ARHGAP10: variants seen among roughly 807,000 people sequenced by gnomAD.
ARHGAP10 encodes the protein rho GTPase-activating protein 10.
In ARHGAP10, 87 loss-of-function variants were observed where a neutral mutation model predicts 108.6. The ratio of observed to expected loss-of-function variants is 0.80; its 90% confidence interval spans 0.67 to 0.96. The LOEUF is 0.96. ARHGAP10 is among the 40% of genes least tolerant of loss of function. The pLI is 0.00. For synonymous variants in ARHGAP10, 347 were observed against 341.1 expected (o/e 1.02, Z -0.19); for missense variants, 939 against 954.5 (o/e 0.98, Z 0.21).
rs1403236677 is a variant in ARHGAP10, at chr4:147,893,502, A to C, written c.1034+11570A>C. On this transcript the variant is annotated intron_variant, in intron 10 of 22. Coordinates refer to ENST00000336498, the MANE Select transcript of ARHGAP10 (RefSeq NM_024605.4). ...ATATATAGAAATACATATTTCAATA[A>C]AAAGGTATAATAAGAATATATATAT... Among the ~76,000 whole-genome samples, 57 of 147,744 alleles carry C rather than the reference A, an allele frequency of 3.9e-4. 1 individual carries two copies. In the Admixed American group the frequency reaches 3.9e-3, roughly 10 times the overall value.
chr4:148,032,447 C>G (rs1332511857), intron 19 of ARHGAP10, among the ~76,000 whole-genome samples: 5 of 146,778 alleles, frequency 3.4e-5, no homozygotes, highest in Non-Finnish European at 7.4e-5. Flanking sequence ...GATTGATGAT[C>G]AGTTATTAGC....
chr4:147,859,703 A>G (rs1037191399), intron 5 of ARHGAP10, among the ~76,000 whole-genome samples: 1 of 152,238 alleles, frequency 6.6e-6, no homozygotes, highest in Admixed American at 6.5e-5. Context: ...AGTTCCTAGA[A>G]CAGTACCTGT....
chr4:147,957,094 T>C lies in ARHGAP10; in HGVS notation c.1450+1720T>C, dbSNP rs147216107. ...TACCTTGTGTTTTGCTTCCTGACTTTGTGGGAATGCTGTGATAGTCTTCAC... is the reference window on the plus strand; with the variant it reads ...TACCTTGTGTTTTGCTTCCTGACTTCGTGGGAATGCTGTGATAGTCTTCAC... On this transcript the variant is annotated intron_variant, in intron 16 of 22. Transcript: ENST00000336498. Among the ~76,000 whole-genome samples the C allele has an allele frequency of 2.6e-3, 403 of 152,254 alleles. 2 individuals carry two copies. Among genetic ancestry groups the C allele is most frequent in the African/African-American group, 9.4e-3 (389 of 41,560 alleles).
At chr4:147,801,480 G>A (rs1024676380) in intron 1 of ARHGAP10, among the ~76,000 whole-genome samples, 7 of 152,180 alleles carry the variant, frequency 4.6e-5, no homozygotes, top group Non-Finnish European at 1.0e-4. Flanking sequence ...AAAGAATCCA[G>A]TGTTCAATTA....
At chr4:147,864,381 C>G in intron 5 of ARHGAP10, 1 of 154,222 alleles carries the variant, frequency 6.5e-6, no homozygotes, top group African/African-American at 2.4e-5. Flanking sequence ...ACTCCCTGAG[C>G]GCTGAGGTGC....
intron 18 of ARHGAP10, among the ~76,000 whole-genome samples, chr4:148,009,113 A>G (rs929515480): frequency 3.3e-5 from 5 of 151,644 alleles, no homozygotes; most frequent in Admixed American, 6.6e-5. Flanking sequence ...GTTATTTGAG[A>G]TCCTCAATAC....
intron 3 of ARHGAP10, among the ~76,000 whole-genome samples, chr4:147,828,184 G>A (rs888920924): frequency 6.6e-6 from 1 of 152,096 alleles, no homozygotes; most frequent in Admixed American, 6.5e-5. Flanking sequence ...TTAATAATTG[G>A]ATATTCATAA....
chr4:148,067,682 A>C (rs918809898), intron 22 of ARHGAP10, among the ~76,000 whole-genome samples: 2 of 152,210 alleles, frequency 1.3e-5, no homozygotes, highest in Non-Finnish European at 2.9e-5. Context: ...CAACAAAGGA[A>C]ATTGGTTTAT....
At position 148,063,362 on chromosome 4, in the gene ARHGAP10, C is replaced by A. The variant is rs1257384543; in HGVS notation, c.2180+62C>A. The A allele has an allele frequency of 3.1e-6, 5 of 1,596,846 alleles. No individual in the cohort carries two copies. The East Asian group carries it at 1.1e-4, about 36-fold the overall frequency. On this transcript the variant is annotated intron_variant, in intron 21 of 22. Coordinates refer to ENST00000336498, the MANE Select transcript of ARHGAP10 (RefSeq NM_024605.4). ...AGCACACACAGGGGGCTTGATGAAC[C>A]TGAGCAGGTTCTTGTGTTCTCTGCT...
intron 18 of ARHGAP10, among the ~76,000 whole-genome samples, chr4:147,980,465 C>CT (rs1739770769): frequency 6.6e-6 from 1 of 152,104 alleles, no homozygotes; most frequent in African/African-American, 2.4e-5. Context: ...ATTTTTGCAT[C>CT]TGTGTTCATT....
intron 10 of ARHGAP10, among the ~76,000 whole-genome samples, chr4:147,887,034 G>A (rs1735597352): frequency 6.6e-6 from 1 of 152,184 alleles, no homozygotes; most frequent in South Asian, 2.1e-4. Context: ...TGGGATTACA[G>A]GCGCGAGTCA....
At chr4:147,977,608 G>T (rs552633489) in intron 18 of ARHGAP10, among the ~76,000 whole-genome samples, 1 of 152,096 alleles carries the variant, frequency 6.6e-6, no homozygotes, top group South Asian at 2.1e-4. Context: ...AGGCTCTAAA[G>T]TGGAATTCCT....
intron 1 of ARHGAP10, among the ~76,000 whole-genome samples, chr4:147,761,084 A>G (rs1041829070): frequency 6.6e-6 from 1 of 150,460 alleles, no homozygotes; most frequent in African/African-American, 2.5e-5. Context: ...TGGTGTGATC[A>G]TAACCCACTG....
rs188978261 is a variant in ARHGAP10 at position 148,064,469 on chromosome 4, C to T, written c.2234C>T (p.Ser745Leu). 19 of 1,614,058 alleles carry T rather than the reference C, an allele frequency of 1.2e-5. No homozygotes were observed. In the Admixed American group the frequency reaches 1.7e-4, roughly 14 times the overall value. The change falls in exon 22 of 23, where the codon TCG (serine) becomes TTG (leucine). Residue 745 changes from serine to leucine, a missense_variant. Transcript: ENST00000336498. Reference protein sequence around the residue: ...AVYPCEAEHSSELSFEIGAIF... With the variant: ...AVYPCEAEHSLELSFEIGAIF... ...TATCCGTGTGAAGCAGAACACAGCT[C>T]GGAATTATCTTTTGAAATAGGAGCA...
chr4:147,965,861 TA>T (rs1454237092), intron 17 of ARHGAP10, among the ~76,000 whole-genome samples: 1 of 152,136 alleles, frequency 6.6e-6, no homozygotes, highest in Non-Finnish European at 1.5e-5. Flanking sequence ...AAAAACAGAT[TA>T]CAAATAAAAA....
At chr4:148,021,873 T>C (rs1044470930) in intron 18 of ARHGAP10, among the ~76,000 whole-genome samples, 3 of 152,254 alleles carry the variant, frequency 2.0e-5, no homozygotes, top group Non-Finnish European at 4.4e-5. Context: ...CACATATTTG[T>C]CTACAGTAAC....
At chr4:147,970,676 G>A (rs1431065157) in intron 18 of ARHGAP10, among the ~76,000 whole-genome samples, 1 of 152,156 alleles carries the variant, frequency 6.6e-6, no homozygotes. Flanking sequence ...GTTAGAAAAA[G>A]GCTCCTAGTT....
chr4:147,970,240 G>A (rs1170831591), intron 18 of ARHGAP10, among the ~76,000 whole-genome samples: 3 of 152,074 alleles, frequency 2.0e-5, no homozygotes, highest in Non-Finnish European at 2.9e-5. Flanking sequence ...TGTTAGCCAC[G>A]GGTTTCCCTG....
chr4:148,027,908 T>C (rs1321459005), intron 19 of ARHGAP10, among the ~76,000 whole-genome samples: 2 of 152,124 alleles, frequency 1.3e-5, no homozygotes, highest in African/African-American at 4.8e-5. Context: ...TTTTTTTGCC[T>C]CTACCATTTA....
Sources: gnomAD v4.1 joint callset for allele counts (sites outside exome capture counted in the v4.1 genomes callset) on GRCh38, gnomAD v4.1.1 for gene constraint, MANE v1.5 for transcripts, NCBI Gene and HGNC (gene_info 2026-07-23, HGNC 2026-07-21) for gene names.